Variants in HABP4 observed in about 807,000 individuals in gnomAD.
HABP4 encodes intracellular hyaluronan-binding protein 4.
HABP4 carries 32 observed loss-of-function variants against 44.1 expected under a neutral mutation model. The observed-to-expected ratio is 0.73, with a 90% confidence interval of 0.55 to 0.97. The LOEUF (loss-of-function observed/expected upper bound fraction) is 0.97, where lower values mean the gene tolerates loss of function less well. HABP4 is among the 50% of genes least tolerant of loss of function. The pLI is 0.00. For synonymous variants in HABP4, 216 were observed against 218.0 expected, an observed-to-expected ratio of 0.99 and a Z score of 0.08; for missense variants, 503 against 561.9, an observed-to-expected ratio of 0.90 and a Z score of 1.06.
At chr9:96,476,017 T>G (rs1157616485) in intron 5 of HABP4, among the ~76,000 whole-genome samples, 5 of 152,052 alleles carry the variant, frequency 3.3e-5, no homozygotes, top group Non-Finnish European at 7.3e-5. Flanking sequence ...AGGTATTGCA[T>G]GAATGGAAAT....
intron 5 of HABP4, among the ~76,000 whole-genome samples, chr9:96,472,924 T>C (rs765848357): frequency 6.6e-6 from 1 of 152,316 alleles, no homozygotes; most frequent in South Asian, 2.1e-4. Flanking sequence ...CATTTGACTT[T>C]ATTGATTTCT....
chr9:96,490,974 A>G lies in HABP4; in HGVS notation c.*936A>G, dbSNP rs556584769. The G allele has an allele frequency of 6.6e-6, 1 of 152,250 alleles. No individual in the cohort carries two copies. The highest frequency in any genetic ancestry group is 1.5e-5 in the Non-Finnish European group (1 of 68,100). The allele number at this position is 152,250 out of a possible 1,614,324, so 9.4% of individuals were successfully genotyped here. On this transcript the variant is annotated 3_prime_UTR_variant, in exon 8 of 8. Transcript: ENST00000375249. ...GAGTTCCTCTTTATTGCTTTTGGTG[A>G]AAGTTTGGGGTTGGGGGTACACCTC...
intron 6 of HABP4, among the ~76,000 whole-genome samples, chr9:96,485,231 A>G (rs1443275489): frequency 6.6e-6 from 1 of 152,114 alleles, no homozygotes; most frequent in Non-Finnish European, 1.5e-5. Flanking sequence ...TTGTATTTTT[A>G]GTAGAGACGG....
At chr9:96,484,320 T>C in intron 5 of HABP4, 142 bp from the exon 6 acceptor site, 1 of 548,710 alleles carries the variant, frequency 1.8e-6, no homozygotes, top group East Asian at 3.0e-5. Context: ...AGCTTGTGAG[T>C]CAAAGATTTC....
At chr9:96,453,843 A>C (rs1381424293) in intron 1 of HABP4, among the ~76,000 whole-genome samples, 1 of 152,210 alleles carries the variant, frequency 6.6e-6, no homozygotes, top group Non-Finnish European at 1.5e-5. Flanking sequence ...AAACAAGCCC[A>C]ATTCATGGCA....
intron 3 of HABP4, 80 bp from the exon 4 acceptor site, chr9:96,465,630 T>C (rs1298593793): frequency 8.3e-7 from 1 of 1,207,020 alleles, no homozygotes. Flanking sequence ...ATCCTGGGAC[T>C]TTTATGAACC....
At chr9:96,464,283 A>C (rs1832558028) in intron 2 of HABP4, among the ~76,000 whole-genome samples, 1 of 152,236 alleles carries the variant, frequency 6.6e-6, no homozygotes, top group East Asian at 1.9e-4. Flanking sequence ...ACACAGGGCC[A>C]GTTAGCATTA....
chr9:96,458,006 C>A (rs1018076309), intron 1 of HABP4, among the ~76,000 whole-genome samples: 30 of 152,142 alleles, frequency 2.0e-4, no homozygotes, highest in Admixed American at 6.5e-4. Context: ...ATAGGGTATT[C>A]TTTCATTTTC....
rs1209304636 is a variant in HABP4 at position 96,488,916 on chromosome 9, G to C, written c.1185+642G>C. On this transcript the variant is annotated intron_variant, in intron 7 of 7. Coordinates refer to ENST00000375249, the MANE Select transcript of HABP4 (RefSeq NM_014282.4). This position sits in a 1 kb window ranked among gnomAD's most constrained non-coding sequence, Gnocchi z 4.6. ...TCCGTGTGCGGCTGTATTCTCACTG[G>C]TGTGGCTATCGGTCAGCGGCTGCTT... Among the ~76,000 whole-genome samples, 2 of 152,138 alleles carry C rather than the reference G, an allele frequency of 1.3e-5. No homozygotes were observed. The highest frequency in any genetic ancestry group is 3.9e-4 in the East Asian group (2 of 5,180).
intron 2 of HABP4, among the ~76,000 whole-genome samples, chr9:96,462,366 G>A (rs994616799): frequency 6.6e-6 from 1 of 152,002 alleles, no homozygotes; most frequent in Non-Finnish European, 1.5e-5. Context: ...CAGGATAATC[G>A]CTTGAACCTG....
chr9:96,462,825 C>T (rs1211288739), intron 2 of HABP4, among the ~76,000 whole-genome samples: 3 of 151,170 alleles, frequency 2.0e-5, no homozygotes, highest in Non-Finnish European at 2.9e-5. Flanking sequence ...GGGGGACTGA[C>T]ATGGGAAGAT....
At chr9:96,456,777 AAAAATATATATATATATATATATAT>A (rs1342305363) in intron 1 of HABP4, among the ~76,000 whole-genome samples, 1 of 64,454 alleles carries the variant, frequency 1.6e-5, no homozygotes, top group African/African-American at 6.7e-5. Context: ...AAAAAAAAAA[AAAAATATATATATATATATATATAT>A]ATATATATAT....
chr9:96,463,020 C>T (rs556474688), intron 2 of HABP4, among the ~76,000 whole-genome samples: 3 of 152,190 alleles, frequency 2.0e-5, no homozygotes, highest in African/African-American at 7.2e-5. Context: ...GGCAGGATCT[C>T]GGCTCACTGC....
intron 1 of HABP4, among the ~76,000 whole-genome samples, chr9:96,452,513 C>T (rs1832302668): frequency 6.6e-6 from 1 of 151,998 alleles, no homozygotes; most frequent in Non-Finnish European, 1.5e-5. Context: ...GTAGTACACT[C>T]GTAACTTTTT....
chr9:96,465,899 G>A, intron 4 of HABP4, 121 bp downstream of exon 4: 1 of 602,288 alleles, frequency 1.7e-6, no homozygotes. Context: ...CCTAAGTAGA[G>A]ATTGATTTTA....
chr9:96,450,478 G>T lies in HABP4; in HGVS notation c.199G>T (p.Ala67Ser). The T allele has an allele frequency of 1.6e-6, 2 of 1,214,610 alleles. No individual in the cohort carries two copies. Among genetic ancestry groups the T allele is most frequent in the East Asian group, 6.8e-5 (2 of 29,220 alleles). The allele number at this position is 1,214,610 out of a possible 1,614,324, so 75.2% of individuals were successfully genotyped here. The change falls in exon 1 of 8, where the codon GCC (alanine) becomes TCC (serine). Residue 67 changes from alanine (A) to serine (S), a missense_variant. This residue lies in a region of HABP4 where 290 missense variants were observed against 300.5 expected (regional missense o/e 0.97). Transcript: ENST00000375249. This position sits in a 1 kb window ranked among gnomAD's most constrained non-coding sequence, Gnocchi z 4.8. ...RRDEAAAAAG[A>S]GPRGGRSPAG... ...CGACGAGGCGGCGGCGGCGGCCGGG[G>T]CCGGTCCCCGCGGCGGCAGGAGCCC...
intron 5 of HABP4, among the ~76,000 whole-genome samples, chr9:96,474,711 T>G (rs1832752932): frequency 6.6e-6 from 1 of 152,230 alleles, no homozygotes. Context: ...TTTTTGATAC[T>G]CTAAAAGTTG....
intron 1 of HABP4, chr9:96,451,462 T>C (rs1036863356): frequency 6.1e-6 from 6 of 985,074 alleles, no homozygotes; most frequent in Non-Finnish European, 7.2e-6. Flanking sequence ...TCCTGTTTTC[T>C]TGAAATGAGG....
At chr9:96,480,203 A>G (rs1046836442) in intron 5 of HABP4, among the ~76,000 whole-genome samples, 1 of 151,814 alleles carries the variant, frequency 6.6e-6, no homozygotes, top group Non-Finnish European at 1.5e-5. Context: ...AAAACTATCT[A>G]TCTCTATCGG....
Sources: gnomAD v4.1 joint callset for allele counts (sites outside exome capture counted in the v4.1 genomes callset) on GRCh38, gnomAD v4.1.1 for gene constraint, gnomAD v4.1.1 regional missense constraint, Gnocchi (gnomAD v3.1) non-coding constraint, MANE v1.5 for transcripts, NCBI Gene and HGNC (gene_info 2026-07-23, HGNC 2026-07-21) for gene names.